The following SLC22A15 variants were observed in gnomAD, a reference collection of about 807,000 sequenced individuals.
SLC22A15 encodes flipt 1.
Under a neutral mutation model 62.7 loss-of-function variants are expected in SLC22A15, and 45 were observed. The observed-to-expected ratio is 0.72, with a 90% CI of 0.56 to 0.92. The LOEUF (loss-of-function observed/expected upper bound fraction) is 0.92, where lower values mean the gene tolerates loss of function less well. SLC22A15 is among the 40% of genes least tolerant of loss of function. The pLI, the probability that SLC22A15 is intolerant of heterozygous loss-of-function variation, is 0.00. For missense variants in SLC22A15, 622 were observed against 665.6 expected (o/e 0.93, Z 0.72); for synonymous variants, 264 against 267.0 (o/e 0.99, Z 0.11).
At chr1:116,051,718 T>C (rs553234654) in intron 8 of SLC22A15, among the ~76,000 whole-genome samples, 1 of 152,226 alleles carries the variant, frequency 6.6e-6, no homozygotes, top group South Asian at 2.1e-4. Flanking sequence ...TAGTTGGGAC[T>C]GACTGTACAA....
chr1:116,055,469 C>T (rs1347000996), intron 8 of SLC22A15, among the ~76,000 whole-genome samples: 1 of 146,896 alleles, frequency 6.8e-6, no homozygotes, highest in Non-Finnish European at 1.5e-5. Flanking sequence ...CAAATTCTAC[C>T]AGAGGTACAA....
At chr1:115,987,609 A>G (rs1162834017) in intron 1 of SLC22A15, among the ~76,000 whole-genome samples, 1 of 152,216 alleles carries the variant, frequency 6.6e-6, no homozygotes, top group Non-Finnish European at 1.5e-5. Flanking sequence ...TGTGCTGGAC[A>G]CTGGGCATAT....
At chr1:115,988,110 A>T (rs939751614) in intron 1 of SLC22A15, among the ~76,000 whole-genome samples, 1 of 152,228 alleles carries the variant, frequency 6.6e-6, no homozygotes, top group Non-Finnish European at 1.5e-5. Context: ...GGGGAAAAAA[A>T]TCCAGCCATC....
At chr1:116,018,343 T>G (rs1656646659) in intron 2 of SLC22A15, among the ~76,000 whole-genome samples, 2 of 151,880 alleles carry the variant, frequency 1.3e-5, no homozygotes, top group African/African-American at 4.8e-5. Flanking sequence ...AATCAGAATT[T>G]TTTTCCTTTT....
intron 1 of SLC22A15, 49 bp from the exon 2 acceptor site, chr1:115,991,982 T>G (rs756512942): frequency 6.5e-6 from 10 of 1,540,052 alleles, no homozygotes; most frequent in South Asian, 1.1e-5. Context: ...GTCTTCAACA[T>G]TGATGGCAAA....
chr1:116,066,688 C>T lies in SLC22A15; in HGVS notation c.1534C>T (p.Gln512Ter). The T allele has an allele frequency of 6.2e-7, 1 of 1,612,684 alleles. No individual in the cohort carries two copies. The highest frequency in any genetic ancestry group is 8.5e-7 in the Non-Finnish European group (1 of 1,179,454). ...RRLGEEALSL[Q>*]ALDPQQCVDK... ...GCTGGGAGAAGAAGCATTATCTTTA[C>T]AGGCTTTGGACCCCCAACAGGTGTG... is the stretch of plus-strand genomic sequence containing the variant. The change falls in exon 11 of 12, where the codon CAG becomes TAG. Residue 512 changes from glutamine (Q) to a stop codon, truncating the protein, a stop_gained. Transcript: ENST00000369503. LOFTEE classifies it high-confidence loss of function.
intron 8 of SLC22A15, among the ~76,000 whole-genome samples, chr1:116,057,970 A>G (rs1472027411): frequency 1.3e-5 from 2 of 152,124 alleles, no homozygotes; most frequent in East Asian, 1.9e-4. Flanking sequence ...TGACGAGTTA[A>G]TGGGTGCAGC....
At chr1:115,983,949 C>T (rs1288888508) in intron 1 of SLC22A15, among the ~76,000 whole-genome samples, 1 of 152,178 alleles carries the variant, frequency 6.6e-6, no homozygotes, top group African/African-American at 2.4e-5. Flanking sequence ...CTGTGGCCCA[C>T]CTTAAATAAA....
At chr1:115,991,919 TA>T in intron 1 of SLC22A15, 111 bp from the exon 2 acceptor site, 3 of 888,632 alleles carry the variant, frequency 3.4e-6, no homozygotes, top group Non-Finnish European at 5.2e-6. Context: ...CTGTAGCTCA[TA>T]AAAATACAAA....
At chr1:115,988,756 C>T (rs1655007594) in intron 1 of SLC22A15, among the ~76,000 whole-genome samples, 1 of 150,770 alleles carries the variant, frequency 6.6e-6, no homozygotes, top group African/African-American at 2.4e-5. Context: ...TGGTCTTGAA[C>T]TCCTGACCTC....
chr1:115,989,868 C>T (rs1655065645), intron 1 of SLC22A15, among the ~76,000 whole-genome samples: 1 of 152,048 alleles, frequency 6.6e-6, no homozygotes, highest in Non-Finnish European at 1.5e-5. Context: ...AAGGCATGTG[C>T]TATTATTGGT....
chr1:116,007,284 C>T (rs1656029565), intron 2 of SLC22A15, among the ~76,000 whole-genome samples: 1 of 152,188 alleles, frequency 6.6e-6, no homozygotes, highest in Non-Finnish European at 1.5e-5. Context: ...CTCATACTGC[C>T]ACCCCGTGGC....
intron 1 of SLC22A15, among the ~76,000 whole-genome samples, chr1:115,982,978 C>A (rs1397854509): frequency 6.6e-6 from 1 of 152,210 alleles, no homozygotes; most frequent in Non-Finnish European, 1.5e-5. Flanking sequence ...GCATTCTCTG[C>A]AGAATAGCCT....
intron 6 of SLC22A15, 174 bp downstream of exon 6, chr1:116,031,755 C>A (rs1202930818): frequency 1.3e-5 from 19 of 1,431,716 alleles, no homozygotes; most frequent in Non-Finnish European, 9.1e-6. Context: ...CTTGCGCAGC[C>A]CCGTCTTTCT....
At chr1:116,058,071 A>ATAG (rs1553226321) in intron 8 of SLC22A15, among the ~76,000 whole-genome samples, 1 of 151,196 alleles carries the variant, frequency 6.6e-6, no homozygotes, top group Admixed American at 6.6e-5. Flanking sequence ...AATAATAATA[A>ATAG]TACTGAAAAA....
chr1:116,006,310 T>C (rs1380865123), intron 2 of SLC22A15, among the ~76,000 whole-genome samples: 2 of 152,108 alleles, frequency 1.3e-5, no homozygotes, highest in Non-Finnish European at 1.5e-5. Context: ...CTGTATCTCC[T>C]ATGCTGACTT....
chr1:115,995,045 G>GA (rs1655353822), intron 2 of SLC22A15, among the ~76,000 whole-genome samples: 1 of 151,650 alleles, frequency 6.6e-6, no homozygotes, highest in African/African-American at 2.4e-5. Context: ...TTCAAAATAA[G>GA]AATGTTCTTC....
rs1658575362 is a variant in SLC22A15 at position 116,069,740 on chromosome 1, G to C, written c.*2632G>C. ...TTAAAAATGAGCAAATAAACAAAAT[G>C]AGGCAAATAAATGAAGAAAATGAGT... On this transcript the variant is annotated 3_prime_UTR_variant, in exon 12 of 12. Coordinates refer to ENST00000369503, the MANE Select transcript of SLC22A15 (RefSeq NM_018420.3). The C allele has an allele frequency of 6.6e-6, 1 of 152,152 alleles. No homozygotes were observed. Among genetic ancestry groups the C allele is most frequent in the African/African-American group, 2.4e-5 (1 of 41,454 alleles). 9.4% of individuals were successfully genotyped at this position (152,152 alleles called of 1,614,324 possible). A position where few individuals can be genotyped will look rare whatever the true frequency, so the allele number is the denominator to read the frequency against.
At chr1:116,006,447 T>C (rs922131830) in intron 2 of SLC22A15, among the ~76,000 whole-genome samples, 3 of 152,188 alleles carry the variant, frequency 2.0e-5, no homozygotes, top group African/African-American at 7.2e-5. Context: ...AGAAATTGAA[T>C]GAAATGGCTT....
Sources: gnomAD v4.1 joint callset for allele counts (sites outside exome capture counted in the v4.1 genomes callset) on GRCh38, gnomAD v4.1.1 for gene constraint, MANE v1.5 for transcripts, NCBI Gene and HGNC (gene_info 2026-07-23, HGNC 2026-07-21) for gene names.